Variants in L3HYPDH observed in about 807,000 individuals in gnomAD.
The protein encoded by L3HYPDH is trans-3-hydroxy-L-proline dehydratase.
L3HYPDH carries 32 observed loss-of-function variants against 26.5 expected under a neutral mutation model. The ratio of observed to expected loss-of-function variants is 1.21; its 90% CI spans 0.91 to 1.62. The LOEUF is 1.62. L3HYPDH is among the 40% of genes most tolerant of loss of function. L3HYPDH has a pLI of 0.00. For missense variants in L3HYPDH, 554 were observed against 476.4 expected, an observed-to-expected ratio of 1.16 and a Z score of -1.52; for synonymous variants, 215 against 196.6, an observed-to-expected ratio of 1.09 and a Z score of -0.78.
At chr14:59,481,836 G>C (rs1045630197) in intron 1 of L3HYPDH, among the ~76,000 whole-genome samples, 1 of 152,194 alleles carries the variant, frequency 6.6e-6, no homozygotes, top group Non-Finnish European at 1.5e-5. Context: ...CCATTAGTGT[G>C]GCTTTGGTGT....
the L3HYPDH span, among the ~76,000 whole-genome samples, chr14:59,500,665 A>T: frequency 6.6e-6 from 1 of 152,214 alleles, no homozygotes; most frequent in Non-Finnish European, 1.5e-5. Context: ...CACAAAACAC[A>T]GAAAATTATT....
upstream of L3HYPDH, chr14:59,485,233 T>C: frequency 9.1e-7 from 1 of 1,099,436 alleles, no homozygotes. Flanking sequence ...CTACTAGATG[T>C]AAAGCCCATA....
chr14:59,487,541 T>C, upstream of L3HYPDH: 1 of 650,310 alleles, frequency 1.5e-6, no homozygotes, highest in South Asian at 2.4e-5. Context: ...ATGCCCTCTT[T>C]TTTATTTCTA....
upstream of L3HYPDH, chr14:59,484,458 A>C: frequency 2.2e-6 from 3 of 1,384,618 alleles, no homozygotes; most frequent in Non-Finnish European, 3.0e-6. Context: ...CCCGGAAGCG[A>C]GGGAGGAACT....
At chr14:59,503,681 T>G in the L3HYPDH span, among the ~76,000 whole-genome samples, 1 of 152,344 alleles carries the variant, frequency 6.6e-6, no homozygotes, top group African/African-American at 2.4e-5. Context: ...ACTTTCCTCA[T>G]CTATAAAGTG....
the L3HYPDH span, chr14:59,495,295 C>T: frequency 3.3e-6 from 4 of 1,203,492 alleles, no homozygotes; most frequent in African/African-American, 3.0e-5. Flanking sequence ...GATTTTATGG[C>T]GTTTGGAGAC....
intron 2 of L3HYPDH, 100 bp from the exon 3 acceptor site, chr14:59,476,314 TATC>T: frequency 1.1e-6 from 1 of 890,132 alleles, no homozygotes; most frequent in Non-Finnish European, 1.7e-6. Context: ...TTTTAATCCT[TATC>T]ATTTTTAAAA....
At chr14:59,498,286 A>T in the L3HYPDH span, among the ~76,000 whole-genome samples, 1 of 152,228 alleles carries the variant, frequency 6.6e-6, no homozygotes, top group Non-Finnish European at 1.5e-5. Flanking sequence ...TTTATTTCAT[A>T]ACTAGATTTT....
chr14:59,480,068 T>C (rs1269739400), intron 1 of L3HYPDH, among the ~76,000 whole-genome samples: 2 of 152,176 alleles, frequency 1.3e-5, no homozygotes, highest in African/African-American at 4.8e-5. Flanking sequence ...CTTCTCAAAT[T>C]TTCCTCTTCC....
the L3HYPDH span, among the ~76,000 whole-genome samples, chr14:59,502,750 A>ATTTTTGTTTTTTTTTCTTTGTTTTTGTT: frequency 2.0e-4 from 1 of 4,908 alleles, no homozygotes; most frequent in African/African-American, 3.5e-4. Context: ...ATAAAATGAG[A>ATTTTTGTTTTTTTTTCTTTGTTTTTGTT]TTTTTTTTTT....
At chr14:59,484,424 G>A (rs537397952), upstream of L3HYPDH, 185 of 1,376,238 alleles carry the variant, frequency 1.3e-4, no homozygotes, top group African/African-American at 2.4e-3. Flanking sequence ...GCCACGTCCG[G>A]GGGGCGGGGT....
the L3HYPDH span, among the ~76,000 whole-genome samples, chr14:59,493,372 C>G: frequency 6.6e-6 from 1 of 152,198 alleles, no homozygotes; most frequent in African/African-American, 2.4e-5. Context: ...AATGCTGCAG[C>G]ATGGTCAAGC....
At chr14:59,498,703 CA>C in the L3HYPDH span, 1 of 1,245,690 alleles carries the variant, frequency 8.0e-7, no homozygotes, top group Non-Finnish European at 1.1e-6. Flanking sequence ...TTTGATGTTA[CA>C]AATTCTTTAT....
At chr14:59,495,287 T>A in the L3HYPDH span, 1 of 1,296,650 alleles carries the variant, frequency 7.7e-7, no homozygotes, top group Non-Finnish European at 1.1e-6. Context: ...TTATTATAGA[T>A]TTTATGGCGT....
the L3HYPDH span, among the ~76,000 whole-genome samples, chr14:59,500,017 C>T: frequency 6.6e-6 from 1 of 152,288 alleles, no homozygotes; most frequent in East Asian, 1.9e-4. Context: ...CACTGATTTG[C>T]ACTAATTTGG....
intron 2 of L3HYPDH, 23 bp from the exon 3 acceptor site, chr14:59,476,237 A>AAC (rs3831146): frequency 1.5e-5 from 23 of 1,519,334 alleles, no homozygotes; most frequent in Admixed American, 5.7e-5. Flanking sequence ...AAAAAAGATC[A>AAC]CATGCAAAAT....
the L3HYPDH span, among the ~76,000 whole-genome samples, chr14:59,489,959 G>A: frequency 6.6e-6 from 1 of 152,006 alleles, no homozygotes; most frequent in Admixed American, 6.5e-5. Flanking sequence ...GTCCTGGTTT[G>A]TCACCTAGGC....
At chr14:59,502,213 T>C in the L3HYPDH span, among the ~76,000 whole-genome samples, 1 of 152,198 alleles carries the variant, frequency 6.6e-6, no homozygotes, top group Non-Finnish European at 1.5e-5. Context: ...ATATTACATT[T>C]AAATGATTGC....
At chr14:59,470,964 GGGGA>G (rs1283026392), downstream of L3HYPDH, among the ~76,000 whole-genome samples, 6 of 131,288 alleles carry the variant, frequency 4.6e-5, no homozygotes, top group African/African-American at 1.6e-4. Context: ...GCGGGGGGGG[GGGGA>G]GGGCAGGAGA....
Sources: gnomAD v4.1 joint callset for allele counts (sites outside exome capture counted in the v4.1 genomes callset) on GRCh38, gnomAD v4.1.1 for gene constraint, MANE v1.5 for transcripts, NCBI Gene and HGNC (gene_info 2026-07-23, HGNC 2026-07-21) for gene names.